KIZ: variants seen among roughly 807,000 people sequenced by gnomAD.
KIZ encodes kizuna centrosomal protein.
Under a neutral mutation model 79.6 loss-of-function variants are expected in KIZ, and 68 were observed. The observed-to-expected ratio is 0.85, with a 90% CI of 0.70 to 1.05. The LOEUF is 1.05. Ranked by LOEUF, KIZ falls within the 50% of genes least tolerant of loss-of-function variation. KIZ has a pLI of 0.00. For synonymous variants in KIZ, 280 were observed against 281.8 expected (o/e 0.99, Z 0.06); for missense variants, 797 against 800.4 (o/e 1.00, Z 0.05).
chr20:21,146,050 C>T (rs991151601), intron 4 of KIZ, among the ~76,000 whole-genome samples: 15 of 151,994 alleles, frequency 9.9e-5, no homozygotes, highest in African/African-American at 3.6e-4. Context: ...GCACAGAAAA[C>T]GTGGAAAGAA....
chr20:21,166,621 GTA>G, intron 6 of KIZ: 1 of 933,676 alleles, frequency 1.1e-6, no homozygotes, highest in East Asian at 2.6e-5. Context: ...AAGAGCTTTT[GTA>G]TTTTTTTTTT....
intron 10 of KIZ, among the ~76,000 whole-genome samples, chr20:21,230,097 A>G (rs557607666): frequency 4.6e-5 from 7 of 152,344 alleles, no homozygotes; most frequent in African/African-American, 1.7e-4. Flanking sequence ...CCACCATGCC[A>G]TAATTTCATC....
intron 6 of KIZ, among the ~76,000 whole-genome samples, chr20:21,174,209 A>G (rs1363217101): frequency 6.6e-6 from 1 of 152,212 alleles, no homozygotes. Context: ...ATCACAACCA[A>G]AATGGTTGTT....
intron 9 of KIZ, among the ~76,000 whole-genome samples, chr20:21,221,439 C>T (rs996775210): frequency 4.6e-5 from 7 of 152,116 alleles, no homozygotes; most frequent in Non-Finnish European, 7.3e-5. Flanking sequence ...TTTCCCACCC[C>T]ACGTGCCCAT....
At chr20:21,215,483 CAAAAA>C in intron 8 of KIZ, 95 bp from the exon 9 acceptor site, 1 of 475,932 alleles carries the variant, frequency 2.1e-6, no homozygotes, top group Non-Finnish European at 3.7e-6. Flanking sequence ...ATACATTAAC[CAAAAA>C]AAAAAAAAGT....
chr20:21,190,153 C>A (rs1298469470), intron 6 of KIZ, among the ~76,000 whole-genome samples: 1 of 152,194 alleles, frequency 6.6e-6, no homozygotes, highest in Non-Finnish European at 1.5e-5. Flanking sequence ...TCCCAGGACA[C>A]TAATTCTTGA....
chr20:21,170,294 C>T (rs2034144873), intron 6 of KIZ, among the ~76,000 whole-genome samples: 2 of 152,018 alleles, frequency 1.3e-5, no homozygotes, highest in African/African-American at 2.4e-5. Flanking sequence ...GTGTTATAAA[C>T]AATCCAGTTA....
intron 6 of KIZ, among the ~76,000 whole-genome samples, chr20:21,181,517 G>C (rs1455268445): frequency 6.6e-6 from 1 of 151,248 alleles, no homozygotes; most frequent in Non-Finnish European, 1.5e-5. Context: ...AGAGTGCAGT[G>C]GCGTGATCTT....
intron 6 of KIZ, among the ~76,000 whole-genome samples, chr20:21,203,467 G>T (rs1188610435): frequency 6.6e-6 from 1 of 152,164 alleles, no homozygotes; most frequent in African/African-American, 2.4e-5. Flanking sequence ...TACTAAGACC[G>T]ATCTGTGGGT....
chr20:21,163,136 C>T lies in KIZ; in HGVS notation c.1329C>T (p.Ser443=), dbSNP rs2033766291. The change falls in exon 6 of 13, where the codon TCC becomes TCT. Residue 443 remains serine (S), a synonymous_variant. Coordinates refer to ENST00000619189, the MANE Select transcript of KIZ (RefSeq NM_018474.6). The part of the protein sequence containing the change: ...TLSSPDSEKE[S]STNAPTREPG... ...GCTCTCCTGATTCAGAAAAGGAATC[C>T]TCCACTAACGCACCAACAAGAGAGT... is the stretch of plus-strand genomic sequence containing the variant. 1.2e-6 allele frequency: 2 copies of T among 1,611,726 alleles called. No individual in the cohort carries two copies. The highest frequency in any genetic ancestry group is 1.7e-6 in the Non-Finnish European group (2 of 1,178,954).
At chr20:21,151,794 T>C (rs1324592355) in intron 4 of KIZ, 3 of 152,246 alleles carry the variant, frequency 2.0e-5, no homozygotes, top group Admixed American at 1.3e-4. Context: ...ACATATGCTT[T>C]GTGCCAGCAG....
chr20:21,157,251 T>C (rs1344179339), intron 4 of KIZ, among the ~76,000 whole-genome samples: 1 of 152,172 alleles, frequency 6.6e-6, no homozygotes, highest in East Asian at 1.9e-4. Flanking sequence ...CTTGGATGAA[T>C]GATGCATCGT....
chr20:21,188,778 C>A (rs942849010), intron 6 of KIZ, among the ~76,000 whole-genome samples: 33 of 151,894 alleles, frequency 2.2e-4, no homozygotes, highest in Non-Finnish European at 7.4e-5. Flanking sequence ...GGGCTCACTG[C>A]AAGCTCTGCC....
At chr20:21,219,313 CTT>C (rs879523075) in intron 9 of KIZ, among the ~76,000 whole-genome samples, 5 of 147,944 alleles carry the variant, frequency 3.4e-5, no homozygotes, top group Non-Finnish European at 7.5e-5. Context: ...GGAACCATGA[CTT>C]TTTTTTTTTC....
intron 4 of KIZ, among the ~76,000 whole-genome samples, chr20:21,148,215 A>G (rs886525946): frequency 2.0e-5 from 3 of 152,266 alleles, no homozygotes; most frequent in Non-Finnish European, 2.9e-5. Context: ...GAGAGGATCT[A>G]TCAAATTGGT....
intron 11 of KIZ, among the ~76,000 whole-genome samples, chr20:21,241,158 A>G (rs763516748): frequency 9.2e-5 from 14 of 152,220 alleles, no homozygotes; most frequent in Admixed American, 7.2e-4. Flanking sequence ...CTAGTAGCCA[A>G]AGTAGTTGGC....
chr20:21,158,771 G>C (rs1209239155), intron 4 of KIZ: 1 of 152,002 alleles, frequency 6.6e-6, no homozygotes. Flanking sequence ...CTCCCTCTGT[G>C]GGGAGAGATG....
At chr20:21,158,210 A>T (rs1229904448) in intron 4 of KIZ, among the ~76,000 whole-genome samples, 1 of 152,256 alleles carries the variant, frequency 6.6e-6, no homozygotes, top group Non-Finnish European at 1.5e-5. Context: ...TAGAAGACAC[A>T]GTATATTATG....
At chr20:21,180,618 A>G (rs752276997) in intron 6 of KIZ, among the ~76,000 whole-genome samples, 2 of 152,170 alleles carry the variant, frequency 1.3e-5, no homozygotes, top group African/African-American at 2.4e-5. Context: ...AGGCTTACCC[A>G]TGGTTTCAGA....
Sources: gnomAD v4.1 joint callset for allele counts (sites outside exome capture counted in the v4.1 genomes callset) on GRCh38, gnomAD v4.1.1 for gene constraint, MANE v1.5 for transcripts, NCBI Gene and HGNC (gene_info 2026-07-23, HGNC 2026-07-21) for gene names.